The following BMAL1 variants were observed in gnomAD, a reference collection of about 807,000 sequenced individuals.
The protein encoded by BMAL1 is basic helix-loop-helix ARNT like 1, also known as basic helix-loop-helix ARNT-like protein 1.
the BMAL1 span, among the ~76,000 whole-genome samples, chr11:13,350,822 T>G: frequency 6.6e-6 from 1 of 152,260 alleles, no homozygotes; most frequent in Middle Eastern, 3.2e-3. Flanking sequence ...ATGTCACTTT[T>G]GGTCCCACAT....
chr11:13,335,221 G>A, the BMAL1 span, among the ~76,000 whole-genome samples: 1 of 152,190 alleles, frequency 6.6e-6, no homozygotes, highest in South Asian at 2.1e-4. Flanking sequence ...ATGAGATTCT[G>A]CATGGACATA....
At chr11:13,374,089 T>C in the BMAL1 span, 1 of 1,611,136 alleles carries the variant, frequency 6.2e-7, no homozygotes, top group Admixed American at 1.7e-5. Flanking sequence ...CTTTATTCCC[T>C]TTTAGGGCAA....
At chr11:13,328,890 A>G in the BMAL1 span, among the ~76,000 whole-genome samples, 1 of 152,092 alleles carries the variant, frequency 6.6e-6, no homozygotes, top group Non-Finnish European at 1.5e-5. Flanking sequence ...CTGAGCCTTG[A>G]TTTTTCTCAT....
the BMAL1 span, among the ~76,000 whole-genome samples, chr11:13,284,255 TATATATATA>T: frequency 0.084 from 3,342 of 39,804 alleles, 549 homozygotes; most frequent in South Asian, 0.15. Context: ...TATATATATA[TATATATATA>T]TATTTTTTTT....
At chr11:13,294,948 C>T in the BMAL1 span, among the ~76,000 whole-genome samples, 1 of 152,156 alleles carries the variant, frequency 6.6e-6, no homozygotes, top group African/African-American at 2.4e-5. Flanking sequence ...TGCCCTTGTC[C>T]CTGTGCAGCT....
At chr11:13,385,004 A>G in the BMAL1 span, among the ~76,000 whole-genome samples, 29,894 of 152,088 alleles carry the variant, frequency 0.2, 3,021 homozygotes, top group Admixed American at 0.26. Context: ...CTGCTGGCAA[A>G]GCCTGAAATC....
At chr11:13,323,555 T>C in the BMAL1 span, among the ~76,000 whole-genome samples, 1 of 152,268 alleles carries the variant, frequency 6.6e-6, no homozygotes, top group African/African-American at 2.4e-5. Context: ...TTGATTCTGC[T>C]TCCTCCTGTG....
chr11:13,316,773 T>C, the BMAL1 span, among the ~76,000 whole-genome samples: 1 of 152,164 alleles, frequency 6.6e-6, no homozygotes, highest in Non-Finnish European at 1.5e-5. Flanking sequence ...GGAAAGTGGA[T>C]GTGGGAGGAG....
At chr11:13,386,728 A>G in the BMAL1 span, 1 of 1,614,110 alleles carries the variant, frequency 6.2e-7, no homozygotes, top group Non-Finnish European at 8.5e-7. Flanking sequence ...GGCCCTGTTG[A>G]CTTTAGTGAC....
At chr11:13,303,585 TGCTCCTGGTTAGCAGGCA>T in the BMAL1 span, among the ~76,000 whole-genome samples, 1 of 152,226 alleles carries the variant, frequency 6.6e-6, no homozygotes, top group African/African-American at 2.4e-5. Context: ...CCAAAGTGGC[TGCTCCTGGTTAGCAGGCA>T]GCCTTCCTTG....
chr11:13,364,902 T>C, the BMAL1 span, among the ~76,000 whole-genome samples: 3 of 152,118 alleles, frequency 2.0e-5, no homozygotes, highest in African/African-American at 7.2e-5. Flanking sequence ...CCTATGTACA[T>C]TAGAATCACA....
the BMAL1 span, among the ~76,000 whole-genome samples, chr11:13,319,938 A>G: frequency 6.6e-6 from 1 of 152,212 alleles, no homozygotes; most frequent in Non-Finnish European, 1.5e-5. Flanking sequence ...GTTTTTGCCT[A>G]CAACACCCCA....
the BMAL1 span, among the ~76,000 whole-genome samples, chr11:13,282,714 C>T: frequency 1.3e-5 from 2 of 152,260 alleles, no homozygotes; most frequent in African/African-American, 4.8e-5. Context: ...CTCTTAGGTT[C>T]TGCTGCATTC....
the BMAL1 span, among the ~76,000 whole-genome samples, chr11:13,288,486 G>A: frequency 6.8e-6 from 1 of 146,484 alleles, no homozygotes; most frequent in East Asian, 2.0e-4. Flanking sequence ...GCTGGAAATA[G>A]GCAAGGCTCT....
chr11:13,348,102 A>G, the BMAL1 span, among the ~76,000 whole-genome samples: 1 of 152,186 alleles, frequency 6.6e-6, no homozygotes, highest in African/African-American at 2.4e-5. Flanking sequence ...CCAGGGAGAG[A>G]GGATACAGCT....
chr11:13,324,931 C>G, the BMAL1 span, among the ~76,000 whole-genome samples: 1 of 152,114 alleles, frequency 6.6e-6, no homozygotes, highest in Non-Finnish European at 1.5e-5. Flanking sequence ...GGGGGCTGGA[C>G]TGTAGGAGGG....
At chr11:13,296,264 C>G in the BMAL1 span, among the ~76,000 whole-genome samples, 2 of 152,190 alleles carry the variant, frequency 1.3e-5, no homozygotes, top group Non-Finnish European at 2.9e-5. Flanking sequence ...CAGCCCTTTC[C>G]CCTATCTTCC....
the BMAL1 span, among the ~76,000 whole-genome samples, chr11:13,322,193 A>G: frequency 8.2e-4 from 125 of 152,298 alleles, 1 homozygote; most frequent in African/African-American, 2.9e-3. Flanking sequence ...CACTGTCCAG[A>G]TTGAATGAGA....
At chr11:13,383,220 C>A in the BMAL1 span, among the ~76,000 whole-genome samples, 1 of 152,056 alleles carries the variant, frequency 6.6e-6, no homozygotes, top group African/African-American at 2.4e-5. Context: ...CTCCATAGGT[C>A]GCAAGAGAGT....
Sources: allele counts gnomAD v4.1 joint callset (sites outside exome capture counted in the v4.1 genomes callset), GRCh38; gene constraint gnomAD v4.1.1; transcripts MANE v1.5; gene names NCBI Gene and HGNC (gene_info 2026-07-23, HGNC 2026-07-21).